The following SERTAD2 variants were observed in gnomAD, a reference collection of about 807,000 sequenced individuals.
SERTAD2 encodes SERTA domain containing 2.
A neutral mutation model predicts 15.4 loss-of-function variants in SERTAD2; 2 were observed. That is an observed-to-expected ratio of 0.13 (90% CI 0.05 to 0.41). The LOEUF is 0.41. SERTAD2 is among the 10% of genes least tolerant of loss of function. The pLI is 0.99. For missense variants in SERTAD2, 333 were observed against 409.7 expected (o/e 0.81, Z 1.62); for synonymous variants, 180 against 178.0 (o/e 1.01, Z -0.09).
chr2:64,649,029 A>T lies in SERTAD2; in HGVS notation c.-5+4591T>A, dbSNP rs1284489285. On this transcript the variant is annotated intron_variant, in intron 1 of 1. Transcript: ENST00000313349. ...TGGGCAGGGAGATGTCCCCTCAAAG[A>T]AGGAAAGAAATCTGAAAAGCAAATC... Among the ~76,000 whole-genome samples, 5 of 152,134 alleles carry T rather than the reference A, an allele frequency of 3.3e-5. No individual in the cohort carries two copies. The East Asian group carries it at 9.6e-4, about 29-fold the overall frequency.
rs114670818 is a variant in SERTAD2 at position 64,642,904 on chromosome 2, C to T, written c.-4-6029G>A. Among the ~76,000 whole-genome samples the T allele has an allele frequency of 4.6e-3, 681 of 148,428 alleles. 1 individual carries two copies. The highest frequency in any genetic ancestry group is 0.014 in the Middle Eastern group (4 of 294). On this transcript the variant is annotated intron_variant, in intron 1 of 1. Transcript: ENST00000313349. Reference sequence around the variant, plus strand: ...CCCAAATGATTGTCATTAGCCCGGGCGGAAGGAAAACTCTCACTGATAGAC... The same window carrying T: ...CCCAAATGATTGTCATTAGCCCGGGTGGAAGGAAAACTCTCACTGATAGAC...
chr2:64,638,699 T>A (rs1487539615), intron 1 of SERTAD2, among the ~76,000 whole-genome samples: 2 of 30,562 alleles, frequency 6.5e-5, no homozygotes, highest in South Asian at 1.4e-3. Context: ...ATTTAAAAAA[T>A]GGCTGTCAAT....
At position 64,636,839 on chromosome 2, in the gene SERTAD2, A is replaced by C; in HGVS notation, c.33T>G (p.Asp11Glu). 1 of 1,613,756 alleles carries C rather than the reference A, an allele frequency of 6.2e-7. No homozygotes were observed. Among genetic ancestry groups the C allele is most frequent in the East Asian group, 2.2e-5 (1 of 44,864 alleles). MLGKGGKRKF[D>E]EHEDGLEGKI... ...TGCCTTCCAGCCCATCTTCATGCTCATCAAACTTCCGTTTTCCTCCTTTAC... is the reference window on the plus strand; with the variant it reads ...TGCCTTCCAGCCCATCTTCATGCTCCTCAAACTTCCGTTTTCCTCCTTTAC... The change falls in exon 2 of 2, where the codon GAT (aspartate) becomes GAG (glutamate). Residue 11 changes from aspartate to glutamate, a missense_variant. By Grantham distance (45) the Asp-to-Glu change is conservative. This residue lies in a region of SERTAD2 where 332 missense variants were observed against 392.9 expected (regional missense o/e 0.84). Transcript: ENST00000313349.
At chr2:64,640,146 G>A (rs1231100717) in intron 1 of SERTAD2, among the ~76,000 whole-genome samples, 1 of 152,154 alleles carries the variant, frequency 6.6e-6, no homozygotes, top group Non-Finnish European at 1.5e-5. Context: ...TTCTATCTAA[G>A]CTGTTACAGA....
intron 1 of SERTAD2, among the ~76,000 whole-genome samples, chr2:64,651,777 G>A (rs1378990633): frequency 6.6e-6 from 1 of 152,188 alleles, no homozygotes; most frequent in Non-Finnish European, 1.5e-5. Flanking sequence ...ACATTCGCCT[G>A]ACAATAAAAC....
rs1674618266 is a variant in SERTAD2 at position 64,634,730 on chromosome 2, G to C, written c.*1197C>G. On this transcript the variant is annotated 3_prime_UTR_variant, in exon 2 of 2. Coordinates refer to ENST00000313349, the MANE Select transcript of SERTAD2 (RefSeq NM_014755.3). ...TTAAGGGCCCTAAGCATTGCAACAG[G>C]GCTGAGTTCCATGAAGAAGTTGGTT... 1 of 152,094 alleles carries C rather than the reference G, an allele frequency of 6.6e-6. No individual in the cohort carries two copies. Among genetic ancestry groups the C allele is most frequent in the Non-Finnish European group, 1.5e-5 (1 of 68,028 alleles). The allele number at this position is 152,094 out of a possible 1,614,324, so 9.4% of individuals were successfully genotyped here.
At chr2:64,653,514 C>T (rs1236097796) in intron 1 of SERTAD2, 106 bp downstream of exon 1, 2 of 152,862 alleles carry the variant, frequency 1.3e-5, no homozygotes, top group Non-Finnish European at 2.9e-5. Flanking sequence ...CCTCCTCCGC[C>T]CTCCGGGCTC....
chr2:64,645,780 A>G (rs1475130404), intron 1 of SERTAD2, among the ~76,000 whole-genome samples: 1 of 152,190 alleles, frequency 6.6e-6, no homozygotes, highest in African/African-American at 2.4e-5. Flanking sequence ...AATGTTTCTT[A>G]TATCCTGTCT....
intron 1 of SERTAD2, among the ~76,000 whole-genome samples, chr2:64,642,163 A>G (rs1022195465): frequency 6.6e-6 from 1 of 152,252 alleles, no homozygotes; most frequent in African/African-American, 2.4e-5. Flanking sequence ...ATAGCAACTG[A>G]CAACTGACAT....
In SERTAD2 at chr2:64,636,109, T is replaced by C; in HGVS notation, c.763A>G (p.Met255Val). Residue 255 changes from methionine (M) to valine (V), a missense_variant, in exon 2 of 2, where the codon ATG becomes GTG. Physicochemically the swap from Met to Val is conservative, Grantham distance 21 (BLOSUM62 1). This residue lies in a region of SERTAD2 where 332 missense variants were observed against 392.9 expected (regional missense o/e 0.84). Transcript: ENST00000313349. ...DILFADIDTSMYDFDPCTSSS... is the reference protein window; with the variant it reads ...DILFADIDTSVYDFDPCTSSS... ...GAAGTGCAGGGGTCAAAATCATACATGGACGTATCAATGTCAGCAAACAGG... is the reference window on the plus strand; with the variant it reads ...GAAGTGCAGGGGTCAAAATCATACACGGACGTATCAATGTCAGCAAACAGG... 2 of 1,614,172 alleles carry C rather than the reference T, an allele frequency of 1.2e-6. No homozygotes were observed. The highest frequency in any genetic ancestry group is 8.5e-7 in the Non-Finnish European group (1 of 1,180,028).
chr2:64,645,270 G>A (rs566118126), intron 1 of SERTAD2, among the ~76,000 whole-genome samples: 2 of 152,304 alleles, frequency 1.3e-5, no homozygotes, highest in African/African-American at 4.8e-5. Flanking sequence ...CTGCGCACCG[G>A]CCGCGCGGGG....
At position 64,635,999 on chromosome 2, in the gene SERTAD2, G is replaced by A. The variant is rs1340225572; in HGVS notation, c.873C>T (p.Val291=). The A allele has an allele frequency of 6.2e-7, 1 of 1,614,162 alleles. No individual in the cohort carries two copies. Among genetic ancestry groups the A allele is most frequent in the African/African-American group, 1.3e-5 (1 of 75,032 alleles). The part of the protein sequence containing the change: ...KTLAPYSSQP[V]TPSQPFKMDL... Reference sequence around the variant, plus strand: ...CCATTTTGAAAGGCTGACTTGGGGTGACAGGCTGACTGCTGTAAGGAGCCA... The same window carrying A: ...CCATTTTGAAAGGCTGACTTGGGGTAACAGGCTGACTGCTGTAAGGAGCCA... Residue 291 remains valine (V), a synonymous_variant, in exon 2 of 2, where the codon GTC becomes GTT. Coordinates refer to ENST00000313349, the MANE Select transcript of SERTAD2 (RefSeq NM_014755.3).
chr2:64,633,865 A>G lies in SERTAD2; in HGVS notation c.*2062T>C, dbSNP rs1674591420. 6.6e-6 allele frequency: 1 copy of G among 152,526 alleles called. No homozygotes were observed. The highest frequency in any genetic ancestry group is 2.4e-5 in the African/African-American group (1 of 41,454). 9.4% of individuals were successfully genotyped at this position (152,526 alleles called of 1,614,324 possible). On this transcript the variant is annotated 3_prime_UTR_variant, in exon 2 of 2. Coordinates refer to ENST00000313349, the MANE Select transcript of SERTAD2 (RefSeq NM_014755.3). ...AAAACACATTCAAGTGGGGGGAAAA[A>G]GTAAATTAGAATGTAGAAAGCCTTT...
At chr2:64,643,958 A>AC (rs1674839129) in intron 1 of SERTAD2, among the ~76,000 whole-genome samples, 1 of 152,174 alleles carries the variant, frequency 6.6e-6, no homozygotes, top group Non-Finnish European at 1.5e-5. Flanking sequence ...TGGTGTGACC[A>AC]CTGGTTGCTG....
Position 64,644,802 on chromosome 2 carries a change from A to T in SERTAD2, c.-4-7927T>A, listed in dbSNP as rs1274998301. 2 of 152,356 alleles carry T rather than the reference A, an allele frequency of 1.3e-5. 1 individual carries two copies. The highest frequency in any genetic ancestry group is 3.9e-4 in the East Asian group (2 of 5,194). 9.4% of individuals were successfully genotyped at this position (152,356 alleles called of 1,614,324 possible). ...GCCTCGCGTGTCCTGACACTGCAGC[A>T]GGCACGGGATGTGGGCTGTCCCCTC... On this transcript the variant is annotated intron_variant, in intron 1 of 1. Coordinates refer to ENST00000313349, the MANE Select transcript of SERTAD2 (RefSeq NM_014755.3).
At chr2:64,653,440 C>G (rs1430229537) in intron 1 of SERTAD2, among the ~76,000 whole-genome samples, 180 bp downstream of exon 1, 96 of 151,906 alleles carry the variant, frequency 6.3e-4, no homozygotes, top group Non-Finnish European at 5.9e-5. Context: ...ACCGGGGCCG[C>G]GGGAGGGAGC....
intron 1 of SERTAD2, among the ~76,000 whole-genome samples, chr2:64,639,174 T>A (rs557208717): frequency 6.6e-6 from 1 of 152,250 alleles, no homozygotes; most frequent in Non-Finnish European, 1.5e-5. Flanking sequence ...CACAGATACA[T>A]ACACACTCTA....
chr2:64,649,325 C>G (rs752864277), intron 1 of SERTAD2, among the ~76,000 whole-genome samples: 2 of 152,204 alleles, frequency 1.3e-5, no homozygotes, highest in Non-Finnish European at 2.9e-5. Flanking sequence ...GCAAGCAAAG[C>G]GCTAAAGGCT....
Position 64,633,619 on chromosome 2 carries a change from G to A in SERTAD2, c.*2308C>T, listed in dbSNP as rs985795269. 1 of 152,222 alleles carries A rather than the reference G, an allele frequency of 6.6e-6. No individual in the cohort carries two copies. Among genetic ancestry groups the A allele is most frequent in the African/African-American group, 2.4e-5 (1 of 41,448 alleles). The allele number at this position is 152,222 out of a possible 1,614,324, so 9.4% of individuals were successfully genotyped here. A position where few individuals can be genotyped will look rare whatever the true frequency, so the allele number is the denominator to read the frequency against. ...TTATAGAAAGCATGGAATCTGGGCA[G>A]ACTTGTTCTCTGCAAGAAAGGGAAG... On this transcript the variant is annotated 3_prime_UTR_variant, in exon 2 of 2. Coordinates refer to ENST00000313349, the MANE Select transcript of SERTAD2 (RefSeq NM_014755.3).
Sources: gnomAD v4.1 joint callset for allele counts (sites outside exome capture counted in the v4.1 genomes callset) on GRCh38, gnomAD v4.1.1 for gene constraint, gnomAD v4.1.1 regional missense constraint, MANE v1.5 for transcripts, NCBI Gene and HGNC (gene_info 2026-07-23, HGNC 2026-07-21) for gene names.